The following GALNT14 variants were observed in gnomAD, a reference collection of about 807,000 sequenced individuals.
GALNT14 encodes polypeptide N-acetylgalactosaminyltransferase 14.
In GALNT14, 60 loss-of-function variants were observed where a neutral mutation model predicts 77.5. That is an observed-to-expected ratio of 0.77 (90% confidence interval 0.63 to 0.96). The LOEUF (loss-of-function observed/expected upper bound fraction) is 0.96, where lower values mean the gene tolerates loss of function less well. Ranked by LOEUF, GALNT14 falls within the 40% of genes least tolerant of loss-of-function variation. The probability of loss-of-function intolerance (pLI) is 0.00; values close to 1 mark genes in which losing one functional copy is unlikely to be tolerated. For missense variants in GALNT14, 710 were observed against 731.0 expected, an observed-to-expected ratio of 0.97 and a Z score of 0.33; for synonymous variants, 280 against 281.7, an observed-to-expected ratio of 0.99 and a Z score of 0.06.
At chr2:30,977,948 C>G (rs114468200) in intron 2 of GALNT14, among the ~76,000 whole-genome samples, 2 of 152,192 alleles carry the variant, frequency 1.3e-5, no homozygotes, top group Non-Finnish European at 2.9e-5. Flanking sequence ...TCACTTCCAA[C>G]CACTCCTCCC....
At chr2:30,955,527 T>C (rs73923310) in intron 6 of GALNT14, 91 bp downstream of exon 6, 231,655 of 1,507,686 alleles carry the variant, frequency 0.15, 18,919 homozygotes, top group Middle Eastern at 0.22. Context: ...CCAGAAGAAC[T>C]GGGGGTTGCA....
chr2:31,055,878 A>T (rs1674178634), intron 1 of GALNT14, among the ~76,000 whole-genome samples: 1 of 152,252 alleles, frequency 6.6e-6, no homozygotes, highest in Non-Finnish European at 1.5e-5. Context: ...TATGCTGAAC[A>T]GGAGCAAGAA....
chr2:30,996,692 C>T (rs1160226216), intron 1 of GALNT14, among the ~76,000 whole-genome samples: 1 of 152,258 alleles, frequency 6.6e-6, no homozygotes, highest in Admixed American at 6.5e-5. Flanking sequence ...GTGCTGTGAG[C>T]TCTCCAGAAT....
downstream of GALNT14, among the ~76,000 whole-genome samples, chr2:30,907,909 C>T (rs1348339005): frequency 2.4e-4 from 28 of 114,348 alleles, no homozygotes; most frequent in East Asian, 3.3e-3. Context: ...GTTCAATATA[C>T]GCAAATCAAT....
chr2:30,982,426 A>G (rs989598659), intron 2 of GALNT14, among the ~76,000 whole-genome samples: 2 of 152,244 alleles, frequency 1.3e-5, no homozygotes, highest in Admixed American at 1.3e-4. Context: ...GAGCACTGAT[A>G]GTCGAGTAGA....
At chr2:30,978,672 C>T (rs1409523099) in intron 2 of GALNT14, among the ~76,000 whole-genome samples, 2 of 152,192 alleles carry the variant, frequency 1.3e-5, no homozygotes, top group Non-Finnish European at 2.9e-5. Flanking sequence ...CACTCCCAAT[C>T]CCTGATATTT....
intron 1 of GALNT14, among the ~76,000 whole-genome samples, chr2:31,132,411 C>T (rs2148653016): frequency 6.6e-6 from 1 of 152,284 alleles, no homozygotes; most frequent in East Asian, 1.9e-4. Flanking sequence ...ACAAGAGCCT[C>T]TGCAGGAGCC....
chr2:31,089,704 T>C (rs1038019053), intron 1 of GALNT14, among the ~76,000 whole-genome samples: 4 of 152,274 alleles, frequency 2.6e-5, no homozygotes, highest in Non-Finnish European at 5.9e-5. Flanking sequence ...GAGGGCTTTC[T>C]GTTTTATTTT....
At chr2:31,123,295 T>C (rs537935116) in intron 1 of GALNT14, among the ~76,000 whole-genome samples, 4 of 152,108 alleles carry the variant, frequency 2.6e-5, no homozygotes, top group African/African-American at 4.8e-5. Context: ...TCTCTGATCA[T>C]TTAAAACTAT....
chr2:31,076,581 G>A (rs1454535334), intron 1 of GALNT14, among the ~76,000 whole-genome samples: 2 of 150,202 alleles, frequency 1.3e-5, no homozygotes, highest in African/African-American at 2.4e-5. Flanking sequence ...TATTGCAAAC[G>A]CAAAAGGAGC....
At chr2:30,914,810 C>A (rs952754941) in intron 13 of GALNT14, among the ~76,000 whole-genome samples, 1 of 152,098 alleles carries the variant, frequency 6.6e-6, no homozygotes, top group Admixed American at 6.5e-5. Flanking sequence ...TAGGCTGGGG[C>A]CATTTGGGTG....
At chr2:31,104,508 T>A (rs1677452643) in intron 1 of GALNT14, among the ~76,000 whole-genome samples, 1 of 152,122 alleles carries the variant, frequency 6.6e-6, no homozygotes, top group Admixed American at 6.6e-5. Context: ...AGTCCACAGA[T>A]CCTATGCGAA....
intron 1 of GALNT14, among the ~76,000 whole-genome samples, chr2:30,999,239 C>A (rs1023271881): frequency 2.6e-5 from 4 of 152,196 alleles, no homozygotes; most frequent in Middle Eastern, 6.3e-3. Flanking sequence ...GCTAGTGACA[C>A]AGAGGTCCCA....
intron 1 of GALNT14, among the ~76,000 whole-genome samples, chr2:31,024,383 G>T (rs1187048306): frequency 1.3e-5 from 2 of 151,904 alleles, no homozygotes; most frequent in Non-Finnish European, 2.9e-5. Flanking sequence ...TGGCACAAAG[G>T]CCCCACCAAG....
chr2:31,001,211 G>A (rs1007500302), intron 1 of GALNT14, among the ~76,000 whole-genome samples: 13 of 151,968 alleles, frequency 8.6e-5, no homozygotes, highest in African/African-American at 1.4e-4. Flanking sequence ...CTAGCACCAC[G>A]GCAAACCAGA....
At chr2:31,074,219 G>A (rs1260481221) in intron 1 of GALNT14, among the ~76,000 whole-genome samples, 1 of 152,134 alleles carries the variant, frequency 6.6e-6, no homozygotes, top group African/African-American at 2.4e-5. Context: ...CACACGGCCT[G>A]CAGAGTCAGC....
chr2:31,043,472 GA>G (rs1422028202), intron 1 of GALNT14, among the ~76,000 whole-genome samples: 2 of 152,196 alleles, frequency 1.3e-5, no homozygotes, highest in African/African-American at 4.8e-5. Flanking sequence ...GAGTGAAGAA[GA>G]AACAGTGTAG....
At chr2:30,923,979 C>T in intron 13 of GALNT14, 140 bp downstream of exon 13, 2 of 928,024 alleles carry the variant, frequency 2.2e-6, no homozygotes, top group South Asian at 3.0e-5. Context: ...GGGGGGATCA[C>T]ACCTCTCATG....
At chr2:30,901,061 G>A in the GALNT14 span, among the ~76,000 whole-genome samples, 1 of 152,190 alleles carries the variant, frequency 6.6e-6, no homozygotes, top group Non-Finnish European at 1.5e-5. Context: ...CACTCACAGT[G>A]TGGAAACAAC....
Sources: gnomAD v4.1 joint callset for allele counts (sites outside exome capture counted in the v4.1 genomes callset) on GRCh38, gnomAD v4.1.1 for gene constraint, MANE v1.5 for transcripts, NCBI Gene and HGNC (gene_info 2026-07-23, HGNC 2026-07-21) for gene names.